SYNE2: variants seen among roughly 807,000 people sequenced by gnomAD.
The protein encoded by SYNE2 is nesprin-2.
In SYNE2, 431 loss-of-function variants were observed where a neutral mutation model predicts 856.3. The ratio of observed to expected loss-of-function variants is 0.50; its 90% CI spans 0.47 to 0.55. The LOEUF (loss-of-function observed/expected upper bound fraction) is 0.55. Ranked by LOEUF, SYNE2 falls within the 20% of genes least tolerant of loss-of-function variation. The pLI, the probability that SYNE2 is intolerant of heterozygous loss-of-function variation, is 0.00. For synonymous variants in SYNE2, 2,923 were observed against 2,872.3 expected (o/e 1.02, Z -0.56); for missense variants, 8,129 against 8,023.2 (o/e 1.01, Z -0.50).
At chr14:64,049,443 AT>A in intron 46 of SYNE2, among the ~76,000 whole-genome samples, 167 bp from the exon 47 acceptor site, 1 of 148,416 alleles carries the variant, frequency 6.7e-6, no homozygotes, top group East Asian at 2.0e-4. Flanking sequence ...AATAATAATA[AT>A]AATAATAATA....
At chr14:64,202,149 C>T (rs758402105) in intron 99 of SYNE2, 22 of 701,352 alleles carry the variant, frequency 3.1e-5, no homozygotes, top group South Asian at 2.2e-4. Context: ...TTTAGAACTG[C>T]GCTTGCGTGC....
Position 64,101,191 on chromosome 14 carries a change from T to C in SYNE2, c.12382-741T>C, listed in dbSNP as rs192802126. ...CTCAGTAGTGGGATTGCTGGTTCTA[T>C]TTTTAGTTTTTTGAGGAACTTTGAT... is the stretch of plus-strand genomic sequence containing the variant. On this transcript the variant is annotated intron_variant, in intron 63 of 115. Coordinates refer to ENST00000555002, the MANE Select transcript of SYNE2 (RefSeq NM_182914.3). 4.2e-3 allele frequency among the ~76,000 whole-genome samples: 632 copies of C among 152,246 alleles called. 5 individuals carry two copies. The highest frequency in any genetic ancestry group is 6.5e-3 in the Non-Finnish European group (444 of 68,006).
chr14:64,102,499 GA>G (rs1191371729), intron 64 of SYNE2, among the ~76,000 whole-genome samples: 2 of 134,084 alleles, frequency 1.5e-5, no homozygotes, highest in Non-Finnish European at 3.1e-5. Context: ...TGCATGGGCT[GA>G]ATTTTTTTTT....
At chr14:64,185,001 A>G (rs1163906241) in intron 96 of SYNE2, among the ~76,000 whole-genome samples, 3 of 152,372 alleles carry the variant, frequency 2.0e-5, no homozygotes, top group Admixed American at 1.3e-4. Context: ...CGCCCTTGTC[A>G]TCCCCACACT....
intron 99 of SYNE2, among the ~76,000 whole-genome samples, chr14:64,193,000 A>G (rs564137981): frequency 1.1e-4 from 17 of 152,374 alleles, no homozygotes; most frequent in Admixed American, 7.8e-4. Context: ...TGGACCTGTC[A>G]TAATCAGCCT....
intron 51 of SYNE2, 99 bp from the exon 52 acceptor site, chr14:64,070,546 C>A: frequency 1.0e-6 from 1 of 985,022 alleles, no homozygotes; most frequent in Non-Finnish European, 1.5e-6. Flanking sequence ...GCACTAGGAA[C>A]CCTTTGAAGA....
At chr14:64,137,599 A>G (rs1595770289) in intron 78 of SYNE2, among the ~76,000 whole-genome samples, 188 bp from the exon 79 acceptor site, 1 of 152,176 alleles carries the variant, frequency 6.6e-6, no homozygotes, top group South Asian at 2.1e-4. Flanking sequence ...AAGATTGGAC[A>G]CCTATCATGA....
chr14:63,832,341 A>G (rs1234543244), intron 1 of SYNE2, among the ~76,000 whole-genome samples: 1 of 151,686 alleles, frequency 6.6e-6, no homozygotes, highest in Non-Finnish European at 1.5e-5. Context: ...GGGTTTTACC[A>G]TGTTGCCCAG....
intron 59 of SYNE2, among the ~76,000 whole-genome samples, chr14:64,089,919 A>C (rs1238020449): frequency 2.0e-5 from 3 of 152,212 alleles, no homozygotes; most frequent in Non-Finnish European, 4.4e-5. Context: ...CATTTAAATC[A>C]AACTCAAGGG....
intron 1 of SYNE2, among the ~76,000 whole-genome samples, chr14:63,805,858 G>A (rs1888343235): frequency 6.6e-6 from 1 of 152,146 alleles, no homozygotes; most frequent in African/African-American, 2.4e-5. Flanking sequence ...TGAAGTTGTC[G>A]ATCAGATCTA....
At position 64,020,002 on chromosome 14, in the gene SYNE2, A is replaced by G. The variant is rs1448142743; in HGVS notation, c.5060A>G (p.Gln1687Arg). Residue 1687 changes from glutamine (Q) to arginine (R), a missense_variant, in exon 35 of 116, where the codon CAA becomes CGA. This residue lies in a region of SYNE2 where 2,422 missense variants were observed against 2,357.4 expected (regional missense o/e 1.03). Coordinates refer to ENST00000555002, the MANE Select transcript of SYNE2 (RefSeq NM_182914.3). ...EDRERLKEEL[Q>R]VHEQKTSEFS... Reference sequence around the variant, plus strand: ...AATTACATGTTTTAGGAAGAATTACAAGTCCATGAACAAAAAACTTCAGAA... The same window carrying G: ...AATTACATGTTTTAGGAAGAATTACGAGTCCATGAACAAAAAACTTCAGAA... 3.7e-6 allele frequency: 6 copies of G among 1,609,412 alleles called. No homozygotes were observed. Among genetic ancestry groups the G allele is most frequent in the Non-Finnish European group, 5.1e-6 (6 of 1,175,796 alleles).
intron 49 of SYNE2, among the ~76,000 whole-genome samples, chr14:64,061,520 C>CTG (rs1323167128): frequency 6.6e-6 from 1 of 152,186 alleles, no homozygotes; most frequent in Admixed American, 6.5e-5. Context: ...TCCTTGCCAA[C>CTG]ATTTGATATT....
intron 11 of SYNE2, among the ~76,000 whole-genome samples, chr14:63,972,814 G>T (rs1193142147): frequency 1.3e-5 from 2 of 152,094 alleles, no homozygotes; most frequent in Non-Finnish European, 2.9e-5. Flanking sequence ...GCTGTCTTTT[G>T]GTTGTGCAAA....
intron 78 of SYNE2, 93 bp downstream of exon 78, chr14:64,134,293 G>A (rs2098059838): frequency 7.5e-7 from 1 of 1,325,802 alleles, no homozygotes; most frequent in Non-Finnish European, 1.1e-6. Context: ...TGGAAGGTTT[G>A]AATTGAAACA....
At chr14:63,977,170 A>G (rs369479922) in intron 12 of SYNE2, among the ~76,000 whole-genome samples, 9 of 152,294 alleles carry the variant, frequency 5.9e-5, no homozygotes, top group Admixed American at 6.5e-5. Flanking sequence ...TAAAGAAACT[A>G]CGGTCTGCCT....
chr14:63,909,052 C>A, intron 1 of SYNE2, 46 bp from the exon 2 acceptor site: 1 of 928,492 alleles, frequency 1.1e-6, no homozygotes, highest in Non-Finnish European at 1.8e-6. Context: ...TTACTAGAAA[C>A]AGAGCTGCAA....
intron 112 of SYNE2, among the ~76,000 whole-genome samples, chr14:64,222,843 T>C (rs1427605873): frequency 6.6e-6 from 1 of 152,204 alleles, no homozygotes; most frequent in African/African-American, 2.4e-5. Flanking sequence ...TACGCTGCTG[T>C]TTCTCGGTTG....
In SYNE2 at chr14:63,991,170, G is replaced by A. The variant is rs1245032692; in HGVS notation, c.2646+55G>A. ...GACATTATTGTTAACTGCCTATCTT[G>A]TTTGAAATCAAGATGTTTCCTTCAC... is the stretch of plus-strand genomic sequence containing the variant. On this transcript the variant is annotated intron_variant, in intron 21 of 115. Transcript: ENST00000555002. 15 of 1,548,806 alleles carry A rather than the reference G, an allele frequency of 9.7e-6. No individual in the cohort carries two copies. The Middle Eastern group carries it at 1.2e-3, about 122-fold the overall frequency.
chr14:63,916,313 TC>T (rs1205073308), intron 2 of SYNE2, among the ~76,000 whole-genome samples: 1 of 152,202 alleles, frequency 6.6e-6, no homozygotes, highest in Admixed American at 6.5e-5. Flanking sequence ...AGTTATAAAT[TC>T]CTCTCACTGT....
Sources: gnomAD v4.1 joint callset for allele counts (sites outside exome capture counted in the v4.1 genomes callset) on GRCh38, gnomAD v4.1.1 for gene constraint, gnomAD v4.1.1 regional missense constraint, MANE v1.5 for transcripts, NCBI Gene and HGNC (gene_info 2026-07-23, HGNC 2026-07-21) for gene names.